FRMPD1: variants seen among roughly 807,000 people sequenced by gnomAD.
The protein encoded by FRMPD1 is FERM and PDZ domain-containing protein 1.
Under a neutral mutation model 117.8 loss-of-function variants are expected in FRMPD1, and 76 were observed. That is an observed-to-expected ratio of 0.65 (90% CI 0.54 to 0.78). The LOEUF (loss-of-function observed/expected upper bound fraction) is 0.78. FRMPD1 is among the 30% of genes least tolerant of loss of function. The pLI is 0.00. For missense variants in FRMPD1, 1,786 were observed against 1,964.5 expected (o/e 0.91, Z 1.72); for synonymous variants, 783 against 770.4 (o/e 1.02, Z -0.27).
chr9:37,684,281 T>C (rs1821844379), intron 1 of FRMPD1, among the ~76,000 whole-genome samples: 1 of 152,254 alleles, frequency 6.6e-6, no homozygotes, highest in Admixed American at 6.5e-5. Context: ...TGTGTGTGCT[T>C]AGCCAGGTGA....
the FRMPD1 span, among the ~76,000 whole-genome samples, chr9:37,620,074 G>A: frequency 8.5e-5 from 13 of 152,244 alleles, no homozygotes; most frequent in South Asian, 4.1e-4. Flanking sequence ...CACCGTGATC[G>A]CTAAAAGTTT....
intron 2 of FRMPD1, among the ~76,000 whole-genome samples, chr9:37,697,652 G>A (rs1434645371): frequency 6.6e-6 from 1 of 152,128 alleles, no homozygotes; most frequent in Non-Finnish European, 1.5e-5. Flanking sequence ...TGTAAATAAT[G>A]CAATGCAAAC....
chr9:37,677,056 A>G (rs1350473860), intron 1 of FRMPD1, among the ~76,000 whole-genome samples: 1 of 152,344 alleles, frequency 6.6e-6, no homozygotes, highest in East Asian at 1.9e-4. Flanking sequence ...AGATGGCTGC[A>G]GACCTGTAAA....
chr9:37,672,673 T>A (rs975123100), intron 1 of FRMPD1, among the ~76,000 whole-genome samples: 1 of 152,158 alleles, frequency 6.6e-6, no homozygotes, highest in Admixed American at 6.5e-5. Context: ...GTTTTCACCC[T>A]GCTGATAAAG....
At chr9:37,652,338 C>T (rs981996743) in intron 1 of FRMPD1, among the ~76,000 whole-genome samples, 3 of 152,162 alleles carry the variant, frequency 2.0e-5, no homozygotes, top group African/African-American at 7.2e-5. Context: ...AGGACTGGTG[C>T]ATTCTGGCAC....
intron 1 of FRMPD1, among the ~76,000 whole-genome samples, chr9:37,663,963 G>A (rs188688670): frequency 4.8e-4 from 73 of 152,314 alleles, no homozygotes; most frequent in South Asian, 1.0e-3. Context: ...AATATTTTCA[G>A]TTCAAGTTTG....
chr9:37,636,699 C>A, the FRMPD1 span: 1 of 1,560,426 alleles, frequency 6.4e-7, no homozygotes, highest in Non-Finnish European at 8.6e-7. Flanking sequence ...TAGCAACAAC[C>A]ACCGCCAGCC....
chr9:37,610,035 C>T, the FRMPD1 span, among the ~76,000 whole-genome samples: 1 of 152,238 alleles, frequency 6.6e-6, no homozygotes, highest in Non-Finnish European at 1.5e-5. Flanking sequence ...GGCCAGCAGT[C>T]GTCATGTTTC....
chr9:37,662,840 A>G (rs567050512), intron 1 of FRMPD1, among the ~76,000 whole-genome samples: 63 of 152,348 alleles, frequency 4.1e-4, no homozygotes, highest in Non-Finnish European at 7.9e-4. Flanking sequence ...CTCTTGGGAC[A>G]TGCAGCTCAG....
At chr9:37,722,703 TG>T (rs921935656) in intron 6 of FRMPD1, among the ~76,000 whole-genome samples, 34 of 152,238 alleles carry the variant, frequency 2.2e-4, no homozygotes, top group African/African-American at 7.2e-4. Flanking sequence ...TCTGTGCTTC[TG>T]GAGGACACCA....
At chr9:37,626,641 A>AAAAAAAAAAAAAAAAAAAC in the FRMPD1 span, among the ~76,000 whole-genome samples, 1 of 145,774 alleles carries the variant, frequency 6.9e-6, no homozygotes, top group Admixed American at 6.8e-5. Context: ...AAAAAAAAAA[A>AAAAAAAAAAAAAAAAAAAC]AGCTGGAGGT....
At chr9:37,662,191 G>C (rs1026787043) in intron 1 of FRMPD1, 2 of 152,228 alleles carry the variant, frequency 1.3e-5, no homozygotes, top group African/African-American at 4.8e-5. Flanking sequence ...CATGACAGAA[G>C]GGCAAAGAGA....
chr9:37,672,787 A>T (rs1205664414), intron 1 of FRMPD1, among the ~76,000 whole-genome samples: 2 of 152,162 alleles, frequency 1.3e-5, no homozygotes, highest in East Asian at 3.9e-4. Flanking sequence ...AAGAGAAAAT[A>T]AGGAGGAAGC....
In FRMPD1 at chr9:37,740,394, C is replaced by T; in HGVS notation, c.1866C>T (p.Ser622=). 1.2e-6 allele frequency: 2 copies of T among 1,613,340 alleles called. No individual in the cohort carries two copies. Among genetic ancestry groups the T allele is most frequent in the Non-Finnish European group, 1.7e-6 (2 of 1,179,386 alleles). ...LEEDDLDTCS[S]SRSTFFHFGS... ...AGGATGACTTAGACACCTGCTCCTCCAGCAGGTCCACCTTCTTCCACTTTG... is the reference window on the plus strand; with the variant it reads ...AGGATGACTTAGACACCTGCTCCTCTAGCAGGTCCACCTTCTTCCACTTTG... The change falls in exon 15 of 16, where the codon TCC becomes TCT. Residue 622 remains serine (S), a synonymous_variant. Coordinates refer to ENST00000377765, the MANE Select transcript of FRMPD1 (RefSeq NM_014907.3). This position sits in a 1 kb window ranked among gnomAD's most constrained non-coding sequence, Gnocchi z 4.2.
intron 14 of FRMPD1, among the ~76,000 whole-genome samples, chr9:37,738,984 G>C (rs1824258044): frequency 6.6e-6 from 1 of 152,152 alleles, no homozygotes; most frequent in Non-Finnish European, 1.5e-5. Flanking sequence ...CTGAGGAGGG[G>C]CTGGACCATA....
Position 37,744,992 on chromosome 9 carries a change from C to T in FRMPD1, c.2960C>T (p.Ser987Phe). ...CCAGATACTGCTCAGGCAAGGCCTT[C>T]CCAAATCTTACCTCTATCTCAAGAC... The part of the protein sequence containing the change: ...SGPDTAQARP[S>F]QILPLSQDLD... The change falls in exon 16 of 16, where the codon TCC (serine) becomes TTC (phenylalanine). Residue 987 changes from serine to phenylalanine, a missense_variant. Ser to Phe is a radical substitution (Grantham distance 155). Coordinates refer to ENST00000377765, the MANE Select transcript of FRMPD1 (RefSeq NM_014907.3). The T allele has an allele frequency of 6.2e-7, 1 of 1,614,178 alleles. No homozygotes were observed. Among genetic ancestry groups the T allele is most frequent in the South Asian group, 1.1e-5 (1 of 91,082 alleles).
At chr9:37,694,494 T>C (rs927678815) in intron 2 of FRMPD1, among the ~76,000 whole-genome samples, 1 of 152,240 alleles carries the variant, frequency 6.6e-6, no homozygotes, top group Non-Finnish European at 1.5e-5. Flanking sequence ...CTGTGCCCTT[T>C]AGCAGTCACT....
At chr9:37,630,567 G>A in the FRMPD1 span, among the ~76,000 whole-genome samples, 1 of 151,960 alleles carries the variant, frequency 6.6e-6, no homozygotes, top group Non-Finnish European at 1.5e-5. Context: ...TTTTAGTAGA[G>A]ACGGAGTTTC....
the FRMPD1 span, among the ~76,000 whole-genome samples, chr9:37,633,567 GA>G: frequency 6.6e-6 from 1 of 152,126 alleles, no homozygotes; most frequent in Non-Finnish European, 1.5e-5. Context: ...CTCTGGGAAA[GA>G]AAAAAAGCAG....
Sources: gnomAD v4.1 joint callset for allele counts (sites outside exome capture counted in the v4.1 genomes callset) on GRCh38, gnomAD v4.1.1 for gene constraint, Gnocchi (gnomAD v3.1) non-coding constraint, MANE v1.5 for transcripts, NCBI Gene and HGNC (gene_info 2026-07-23, HGNC 2026-07-21) for gene names.